Variants in SV2C observed in about 807,000 individuals in gnomAD.
SV2C encodes solute carrier family 22 member B3.
In SV2C, 49 loss-of-function variants were observed where a neutral mutation model predicts 79.7. The ratio of observed to expected loss-of-function variants is 0.61; its 90% confidence interval spans 0.49 to 0.78. SV2C has a LOEUF of 0.78. Among genes scored for constraint, SV2C ranks in the 30% least tolerant of loss-of-function variants. SV2C has a pLI of 0.00. For missense variants in SV2C, 833 were observed against 912.9 expected (o/e 0.91, Z 1.13); for synonymous variants, 334 against 333.2 (o/e 1.00, Z -0.03).
At chr5:75,955,635 C>G in the SV2C span, among the ~76,000 whole-genome samples, 28 of 147,550 alleles carry the variant, frequency 1.9e-4, no homozygotes, top group Non-Finnish European at 3.7e-4. Context: ...AAAATTTTCA[C>G]AACCTACTCA....
At chr5:75,914,785 C>T in the SV2C span, among the ~76,000 whole-genome samples, 3 of 152,186 alleles carry the variant, frequency 2.0e-5, no homozygotes, top group Non-Finnish European at 4.4e-5. Context: ...AAATGCTTTA[C>T]ATGAAAACTT....
At chr5:76,276,765 T>G (rs1747036507) in intron 4 of SV2C, among the ~76,000 whole-genome samples, 1 of 151,906 alleles carries the variant, frequency 6.6e-6, no homozygotes, top group Non-Finnish European at 1.5e-5. Context: ...GATGAAGCCT[T>G]GCTATGTTAC....
chr5:75,989,099 A>G, the SV2C span, among the ~76,000 whole-genome samples: 1 of 151,904 alleles, frequency 6.6e-6, no homozygotes, highest in African/African-American at 2.4e-5. Context: ...TAATTTGTCA[A>G]TAGGTGGAGT....
chr5:75,955,777 C>G, the SV2C span, among the ~76,000 whole-genome samples: 3 of 149,546 alleles, frequency 2.0e-5, no homozygotes, highest in East Asian at 5.8e-4. Flanking sequence ...TTTATGCAGC[C>G]AAAAAACACG....
chr5:76,269,813 A>C (rs143913721), intron 4 of SV2C, among the ~76,000 whole-genome samples: 1 of 152,196 alleles, frequency 6.6e-6, no homozygotes, highest in Non-Finnish European at 1.5e-5. Flanking sequence ...TAGCATTCAG[A>C]GAAGTGATAG....
intron 2 of SV2C, among the ~76,000 whole-genome samples, chr5:76,140,871 G>C (rs1749228641): frequency 6.6e-6 from 1 of 152,060 alleles, no homozygotes; most frequent in African/African-American, 2.4e-5. Context: ...ATTCTTTGTT[G>C]TGTATGCACC....
the SV2C span, among the ~76,000 whole-genome samples, chr5:75,954,524 G>A: frequency 6.6e-6 from 1 of 151,668 alleles, no homozygotes; most frequent in Non-Finnish European, 1.5e-5. Flanking sequence ...ATTCAACATA[G>A]TGATGGAAGT....
chr5:76,254,317 G>C (rs1746207153), intron 4 of SV2C, among the ~76,000 whole-genome samples: 1 of 151,664 alleles, frequency 6.6e-6, no homozygotes, highest in African/African-American at 2.4e-5. Context: ...TACACATCCA[G>C]CCAGCCAATG....
chr5:75,957,147 A>G, the SV2C span, among the ~76,000 whole-genome samples: 2 of 151,986 alleles, frequency 1.3e-5, no homozygotes, highest in African/African-American at 4.8e-5. Context: ...AGGAAGAGCA[A>G]TGATGATGGG....
chr5:75,985,862 T>C, the SV2C span, among the ~76,000 whole-genome samples: 1 of 151,836 alleles, frequency 6.6e-6, no homozygotes, highest in Admixed American at 6.6e-5. Context: ...ATTTAATAAG[T>C]CTGCTTATAA....
At chr5:76,039,597 A>T in the SV2C span, among the ~76,000 whole-genome samples, 1 of 152,032 alleles carries the variant, frequency 6.6e-6, no homozygotes, top group Non-Finnish European at 1.5e-5. Flanking sequence ...CTCTACTAAA[A>T]TTACAAAAAT....
At chr5:76,025,470 C>T in the SV2C span, among the ~76,000 whole-genome samples, 2 of 152,178 alleles carry the variant, frequency 1.3e-5, no homozygotes, top group African/African-American at 4.8e-5. Flanking sequence ...CTCTACCTAA[C>T]ACCTTAAACA....
At chr5:76,038,466 G>A in the SV2C span, among the ~76,000 whole-genome samples, 1 of 152,126 alleles carries the variant, frequency 6.6e-6, no homozygotes, top group African/African-American at 2.4e-5. Flanking sequence ...ACTTCTATTT[G>A]CCTTGGTTCC....
chr5:76,246,048 CT>C (rs1173775915), intron 4 of SV2C, among the ~76,000 whole-genome samples: 2 of 151,630 alleles, frequency 1.3e-5, no homozygotes, highest in African/African-American at 2.4e-5. Context: ...ATATATTTAT[CT>C]TTTAAGTTTG....
intron 2 of SV2C, among the ~76,000 whole-genome samples, chr5:76,170,447 C>T (rs957489766): frequency 1.7e-5 from 2 of 117,532 alleles, no homozygotes; most frequent in Non-Finnish European, 3.5e-5. Flanking sequence ...TACACTTATG[C>T]ATGAGCAAGC....
At chr5:75,958,670 A>G in the SV2C span, among the ~76,000 whole-genome samples, 1 of 152,030 alleles carries the variant, frequency 6.6e-6, no homozygotes, top group South Asian at 2.1e-4. Flanking sequence ...TTTCTCAAAT[A>G]TAGATTTCTA....
intron 4 of SV2C, among the ~76,000 whole-genome samples, chr5:76,213,130 C>T (rs1184024889): frequency 6.6e-6 from 1 of 151,962 alleles, no homozygotes; most frequent in African/African-American, 2.4e-5. Context: ...AATATGAAAA[C>T]CTTATGCCCA....
chr5:75,912,335 A>G, the SV2C span, among the ~76,000 whole-genome samples: 3,566 of 152,180 alleles, frequency 0.023, 127 homozygotes, highest in African/African-American at 0.082. Context: ...GACAAAAAAA[A>G]TACAAAAATT....
At chr5:75,955,286 C>A in the SV2C span, among the ~76,000 whole-genome samples, 1 of 148,936 alleles carries the variant, frequency 6.7e-6, no homozygotes, top group Admixed American at 6.7e-5. Context: ...GAAAAACAAG[C>A]AATGGGGAAA....
Sources: allele counts gnomAD v4.1 joint callset (sites outside exome capture counted in the v4.1 genomes callset), GRCh38; gene constraint gnomAD v4.1.1; transcripts MANE v1.5; gene names NCBI Gene and HGNC (gene_info 2026-07-23, HGNC 2026-07-21).